Variants in MORN3 observed in about 807,000 individuals in gnomAD.
MORN3 encodes the protein MORN repeat containing 3, also known as MORN repeat-containing protein 3.
A neutral mutation model predicts 34.7 loss-of-function variants in MORN3; 38 were observed. The ratio of observed to expected loss-of-function variants is 1.10; its 90% CI spans 0.85 to 1.44. The LOEUF is 1.44. MORN3 is among the 40% of genes most tolerant of loss of function. The probability of loss-of-function intolerance (pLI) is 0.00; values close to 1 mark genes in which losing one functional copy is unlikely to be tolerated. For synonymous variants in MORN3, 109 were observed against 115.3 expected (o/e 0.95, Z 0.35); for missense variants, 311 against 321.7 (o/e 0.97, Z 0.25).
At chr12:121,670,913 C>T (rs531659696), upstream of MORN3, among the ~76,000 whole-genome samples, 3 of 150,292 alleles carry the variant, frequency 2.0e-5, no homozygotes, top group African/African-American at 7.4e-5. Context: ...GAGTTCAACA[C>T]CAGCCTGGCC....
At chr12:121,669,834 T>TAATATATATATATATATATATATA (rs1566488482), upstream of MORN3, among the ~76,000 whole-genome samples, 7 of 92,256 alleles carry the variant, frequency 7.6e-5, no homozygotes, top group African/African-American at 2.7e-4. Context: ...ATATATATAT[T>TAATATATATATATATATATATATA]TTTTTTTTTA....
At chr12:121,660,670 CTTTT>C (rs780680002) in intron 1 of MORN3, among the ~76,000 whole-genome samples, 1 of 120,692 alleles carries the variant, frequency 8.3e-6, no homozygotes, top group Admixed American at 8.5e-5. Context: ...TTCTTTCTTT[CTTTT>C]TTTTTTTTTT....
intron 1 of MORN3, among the ~76,000 whole-genome samples, chr12:121,668,401 C>T (rs968796406): frequency 2.0e-5 from 3 of 152,024 alleles, no homozygotes; most frequent in Non-Finnish European, 4.4e-5. Flanking sequence ...AGTAGCCAGG[C>T]GTGGTGGCAC....
chr12:121,672,399 G>A (rs1893994015), upstream of MORN3, among the ~76,000 whole-genome samples: 2 of 152,140 alleles, frequency 1.3e-5, no homozygotes, highest in South Asian at 4.1e-4. Context: ...GGTCGGGACT[G>A]CAGTGAGCTA....
chr12:121,651,887 C>T (rs1336244172), intron 5 of MORN3, among the ~76,000 whole-genome samples: 1 of 152,142 alleles, frequency 6.6e-6, no homozygotes, highest in African/African-American at 2.4e-5. Context: ...TAGAAGGTTT[C>T]AGGCAGGACT....
At chr12:121,653,608 A>G (rs569591343) in intron 3 of MORN3, among the ~76,000 whole-genome samples, 6 of 152,182 alleles carry the variant, frequency 3.9e-5, no homozygotes, top group African/African-American at 1.4e-4. Flanking sequence ...CCCGAGTTCA[A>G]GTGATTCTCC....
rs781945068 is a variant in MORN3, at chr12:121,653,202, C to T, written c.521G>A (p.Arg174His). Residue 174 changes from arginine to histidine, a missense_variant, in exon 4 of 6, where the codon CGT (arginine) becomes CAT (histidine). Coordinates refer to ENST00000355329, the MANE Select transcript of MORN3 (RefSeq NM_173855.5). ...CTGGCCGTGGTCCAGATGGAAGAAACGCCCCGCCCCGTTCTTCATGCCTCT... is the reference window on the plus strand; with the variant it reads ...CTGGCCGTGGTCCAGATGGAAGAAATGCCCCGCCCCGTTCTTCATGCCTCT... ...WERGMKNGAG[R>H]FFHLDHGQLF... 2.5e-6 allele frequency: 4 copies of T among 1,614,186 alleles called. No individual in the cohort carries two copies. Among genetic ancestry groups the T allele is most frequent in the South Asian group, 2.2e-5 (2 of 91,080 alleles).
At chr12:121,671,010 C>T (rs1893947939), upstream of MORN3, among the ~76,000 whole-genome samples, 1 of 150,538 alleles carries the variant, frequency 6.6e-6, no homozygotes, top group Non-Finnish European at 1.5e-5. Context: ...ACTCGGGAGG[C>T]TGAGGCAGGA....
chr12:121,655,005 T>A (rs1025879830), intron 2 of MORN3, among the ~76,000 whole-genome samples: 24 of 152,040 alleles, frequency 1.6e-4, no homozygotes, highest in African/African-American at 5.8e-4. Flanking sequence ...CCCTCTCCTC[T>A]CTCATCCCCA....
intron 2 of MORN3, among the ~76,000 whole-genome samples, chr12:121,658,893 G>T (rs1555326003): frequency 6.6e-6 from 1 of 152,112 alleles, no homozygotes; most frequent in East Asian, 1.9e-4. Context: ...CAGGAAACGA[G>T]GGGGAAAAGG....
chr12:121,649,925 C>T lies in MORN3; in HGVS notation c.*1726G>A, dbSNP rs1555324866. On this transcript the variant is annotated 3_prime_UTR_variant, in exon 6 of 6. Transcript: ENST00000355329. ...CTATGCTTAACCGCATCCCTGGTCT[C>T]TACTCACTCAATGCCAGTAGCCTTC... is the stretch of plus-strand genomic sequence containing the variant. 1 of 147,534 alleles carries T rather than the reference C, an allele frequency of 6.8e-6. No homozygotes were observed. Among genetic ancestry groups the T allele is most frequent in the East Asian group, 2.0e-4 (1 of 5,044 alleles). The allele number at this position is 147,534 out of a possible 1,614,324, so 9.1% of individuals were successfully genotyped here.
chr12:121,669,748 G>A, upstream of MORN3: 1 of 322,158 alleles, frequency 3.1e-6, no homozygotes, highest in Non-Finnish European at 6.0e-6. Context: ...AACCAGTAGA[G>A]CAGGAGGGTT....
At position 121,659,141 on chromosome 12, in the gene MORN3, A is replaced by G. The variant is rs751094284; in HGVS notation, c.303+50T>C. On this transcript the variant is annotated intron_variant, in intron 2 of 5. Coordinates refer to ENST00000355329, the MANE Select transcript of MORN3 (RefSeq NM_173855.5). ...TTCCCCTAAACACACACGCGCGCACACACACACACACACACACACACACAC... is the reference window on the plus strand; with the variant it reads ...TTCCCCTAAACACACACGCGCGCACGCACACACACACACACACACACACAC... The G allele has an allele frequency of 2.5e-3, 945 of 375,570 alleles. 1 individual carries two copies. Among genetic ancestry groups the G allele is most frequent in the East Asian group, 0.021 (407 of 19,028 alleles). The allele number at this position is 375,570 out of a possible 1,614,324, so 23.3% of individuals were successfully genotyped here.
chr12:121,654,145 T>C (rs1893332150), intron 3 of MORN3, 129 bp downstream of exon 3: 1 of 707,914 alleles, frequency 1.4e-6, no homozygotes, highest in African/African-American at 1.8e-5. Flanking sequence ...TTGTCCCACA[T>C]TGACACAAGG....
chr12:121,671,693 A>C (rs1893973319), upstream of MORN3, among the ~76,000 whole-genome samples: 1 of 151,778 alleles, frequency 6.6e-6, no homozygotes, highest in African/African-American at 2.4e-5. Context: ...CAGCCTGGCC[A>C]ACATAGTGAA....
At chr12:121,672,498 G>C (rs556885345), upstream of MORN3, 3 of 152,410 alleles carry the variant, frequency 2.0e-5, no homozygotes, top group East Asian at 5.8e-4. Context: ...GTGGAAGAGG[G>C]AGGAGCCGGG....
chr12:121,660,015 C>A (rs1254011303), intron 1 of MORN3, among the ~76,000 whole-genome samples: 1 of 151,474 alleles, frequency 6.6e-6, no homozygotes, highest in Non-Finnish European at 1.5e-5. Flanking sequence ...GGGTGGATCA[C>A]CTGAGGTCAG....
chr12:121,671,684 A>C (rs1052516843), upstream of MORN3, among the ~76,000 whole-genome samples: 1 of 151,826 alleles, frequency 6.6e-6, no homozygotes, highest in Non-Finnish European at 1.5e-5. Flanking sequence ...GTTCGAGACC[A>C]GCCTGGCCAA....
chr12:121,655,987 G>A (rs917256014), intron 2 of MORN3, among the ~76,000 whole-genome samples: 5 of 151,976 alleles, frequency 3.3e-5, no homozygotes, highest in Non-Finnish European at 5.9e-5. Context: ...CCAAGATCGC[G>A]CCACTGTACT....
Sources: allele counts gnomAD v4.1 joint callset (sites outside exome capture counted in the v4.1 genomes callset), GRCh38; gene constraint gnomAD v4.1.1; transcripts MANE v1.5; gene names NCBI Gene and HGNC (gene_info 2026-07-23, HGNC 2026-07-21).